The following GRM7 variants were observed in gnomAD, a reference collection of about 807,000 sequenced individuals.
The protein encoded by GRM7 is glutamate metabotropic receptor 7.
Under a neutral mutation model 84.5 loss-of-function variants are expected in GRM7, and 35 were observed. That is an observed-to-expected ratio of 0.41 (90% CI 0.32 to 0.55). GRM7 has a LOEUF of 0.55. Ranked by LOEUF, GRM7 falls within the 20% of genes least tolerant of loss-of-function variation. GRM7 has a pLI of 0.19. For synonymous variants in GRM7, 487 were observed against 455.1 expected, an observed-to-expected ratio of 1.07 and a Z score of -0.89; for missense variants, 1,003 against 1,194.6, an observed-to-expected ratio of 0.84 and a Z score of 2.36.
At chr3:7,332,960 T>C (rs1002855069) in intron 4 of GRM7, among the ~76,000 whole-genome samples, 4 of 152,108 alleles carry the variant, frequency 2.6e-5, no homozygotes, top group Non-Finnish European at 5.9e-5. Context: ...CAGGTACTTA[T>C]CCTAGCCAAT....
intron 5 of GRM7, among the ~76,000 whole-genome samples, chr3:7,415,456 G>A (rs1696122163): frequency 6.6e-6 from 1 of 152,040 alleles, no homozygotes; most frequent in Non-Finnish European, 1.5e-5. Context: ...CCAGGAGTAT[G>A]AAGTCATTTT....
At chr3:6,893,172 A>AC (rs1696037073) in intron 1 of GRM7, 1 of 152,156 alleles carries the variant, frequency 6.6e-6, no homozygotes, top group African/African-American at 2.4e-5. Flanking sequence ...ATTCTAGCTC[A>AC]CAACTGGGTG....
intron 9 of GRM7, among the ~76,000 whole-genome samples, chr3:7,708,527 T>C (rs1048993421): frequency 6.6e-6 from 1 of 152,164 alleles, no homozygotes; most frequent in Non-Finnish European, 1.5e-5. Flanking sequence ...AGGAAGGTCA[T>C]GGTCTGTTGG....
intron 1 of GRM7, among the ~76,000 whole-genome samples, chr3:7,028,530 T>A (rs376606825): frequency 1.6e-4 from 25 of 152,270 alleles, no homozygotes; most frequent in African/African-American, 5.3e-4. Flanking sequence ...ACCAGATTTA[T>A]CCTCTTGCCT....
chr3:7,276,815 G>A (rs1215008296), intron 2 of GRM7, among the ~76,000 whole-genome samples: 1 of 14 alleles, frequency 0.071, no homozygotes, highest in African/African-American at 0.25. Context: ...TTTTGGTGGT[G>A]GCATGTTGTT....
At position 6,903,206 on chromosome 3, in the gene GRM7, GTTT is replaced by G. The variant is rs79484992; in HGVS notation, c.519+41309_519+41311del. Among the ~76,000 whole-genome samples, 883 of 144,648 alleles carry G rather than the reference GTTT, an allele frequency of 6.1e-3. 7 individuals carry two copies. Among genetic ancestry groups the G allele is most frequent in the African/African-American group, 0.016 (644 of 40,016 alleles). The allele number at this position is 144,648 out of a possible 152,430, so 94.9% of individuals were successfully genotyped here. A position where few individuals can be genotyped will look rare whatever the true frequency, so the allele number is the denominator to read the frequency against. On this transcript the variant is annotated intron_variant, in intron 1 of 9. Coordinates refer to ENST00000357716, the MANE Select transcript of GRM7 (RefSeq NM_000844.4). Reference sequence around the variant, plus strand: ...CATCTATTTCCCAATATTTTATAGGGTTTTTTTTTTTTGGTCTTCCCATTCCTG... The same window carrying G: ...CATCTATTTCCCAATATTTTATAGGGTTTTTTTTTGGTCTTCCCATTCCTG...
At chr3:6,902,881 A>ACACACACACACC (rs1210861394) in intron 1 of GRM7, among the ~76,000 whole-genome samples, 2 of 143,704 alleles carry the variant, frequency 1.4e-5, no homozygotes, top group African/African-American at 2.6e-5. Flanking sequence ...ACACACACAC[A>ACACACACACACC]CCCCTACTCT....
At chr3:7,203,205 C>G (rs1413727175) in intron 2 of GRM7, among the ~76,000 whole-genome samples, 1 of 152,116 alleles carries the variant, frequency 6.6e-6, no homozygotes, top group Non-Finnish European at 1.5e-5. Flanking sequence ...CTCTTCATGT[C>G]TCCTTCCATC....
intron 1 of GRM7, among the ~76,000 whole-genome samples, chr3:7,136,812 G>T (rs574411481): frequency 6.6e-6 from 1 of 152,254 alleles, no homozygotes; most frequent in African/African-American, 2.4e-5. Flanking sequence ...ACAATGATGA[G>T]CAAGGTCTTT....
chr3:7,573,266 G>T (rs1299102130), intron 7 of GRM7, among the ~76,000 whole-genome samples: 2 of 151,446 alleles, frequency 1.3e-5, no homozygotes, highest in Non-Finnish European at 2.9e-5. Flanking sequence ...AATAAAAAAA[G>T]TTCTTTTTTT....
intron 1 of GRM7, among the ~76,000 whole-genome samples, chr3:7,025,819 G>A (rs1238690791): frequency 6.6e-6 from 1 of 152,184 alleles, no homozygotes; most frequent in Non-Finnish European, 1.5e-5. Flanking sequence ...GGCACTGGCA[G>A]CATCTTTATT....
At chr3:7,398,246 A>G (rs887993096) in intron 4 of GRM7, among the ~76,000 whole-genome samples, 7 of 152,200 alleles carry the variant, frequency 4.6e-5, no homozygotes, top group Admixed American at 6.5e-5. Flanking sequence ...CTGACGGCCT[A>G]CTATGTGCTA....
At chr3:6,994,017 A>T (rs542028453) in intron 1 of GRM7, among the ~76,000 whole-genome samples, 1 of 152,316 alleles carries the variant, frequency 6.6e-6, no homozygotes, top group African/African-American at 2.4e-5. Flanking sequence ...CCAAAAATAG[A>T]AAACGATAAT....
intron 4 of GRM7, among the ~76,000 whole-genome samples, chr3:7,368,283 T>G (rs1039263): frequency 0.53 from 81,229 of 151,834 alleles, 21,860 homozygotes; most frequent in African/African-American, 0.6. Flanking sequence ...AAGGCAATTT[T>G]AAAAACTGGA....
At chr3:7,108,166 A>G (rs777981207) in intron 1 of GRM7, among the ~76,000 whole-genome samples, 1 of 152,104 alleles carries the variant, frequency 6.6e-6, no homozygotes, top group Non-Finnish European at 1.5e-5. Context: ...GTGCTGCACG[A>G]TAGAGTATTC....
chr3:7,505,053 T>C (rs1422544337), intron 7 of GRM7, among the ~76,000 whole-genome samples: 2 of 152,032 alleles, frequency 1.3e-5, no homozygotes, highest in Non-Finnish European at 2.9e-5. Context: ...AGACACAAGA[T>C]AAACATTCAC....
intron 1 of GRM7, among the ~76,000 whole-genome samples, chr3:7,109,058 C>G (rs1692753925): frequency 6.6e-6 from 1 of 151,884 alleles, no homozygotes; most frequent in African/African-American, 2.4e-5. Context: ...AAATAGAATC[C>G]TCAGGGAAGT....
At chr3:7,364,012 T>C (rs1481723228) in intron 4 of GRM7, among the ~76,000 whole-genome samples, 2 of 152,066 alleles carry the variant, frequency 1.3e-5, no homozygotes, top group African/African-American at 2.4e-5. Context: ...TTGGGTGCTA[T>C]GTATATTATG....
At chr3:7,328,408 A>G (rs537716120) in intron 4 of GRM7, among the ~76,000 whole-genome samples, 1 of 152,166 alleles carries the variant, frequency 6.6e-6, no homozygotes, top group East Asian at 1.9e-4. Flanking sequence ...AACAATTAGT[A>G]TTTTAGCTTC....
Sources: gnomAD v4.1 joint callset for allele counts (sites outside exome capture counted in the v4.1 genomes callset) on GRCh38, gnomAD v4.1.1 for gene constraint, MANE v1.5 for transcripts, NCBI Gene and HGNC (gene_info 2026-07-23, HGNC 2026-07-21) for gene names.